Variants in WDR26 observed in about 807,000 individuals in gnomAD.
WDR26 encodes WD repeat domain 26.
A neutral mutation model predicts 84.1 loss-of-function variants in WDR26; 5 were observed. The ratio of observed to expected loss-of-function variants is 0.06; its 90% CI spans 0.03 to 0.13. WDR26 has a LOEUF of 0.13. WDR26 is among the 10% of genes least tolerant of loss of function. The pLI is 1.00. For missense variants in WDR26, 642 were observed against 974.9 expected (o/e 0.66, Z 4.55); for synonymous variants, 415 against 389.6 (o/e 1.07, Z -0.77).
Position 224,434,099 on chromosome 1 carries a change from C to T in WDR26, c.307G>A (p.Ala103Thr). 7.0e-7 allele frequency: 1 copy of T among 1,437,038 alleles called. No individual in the cohort carries two copies. Among genetic ancestry groups the T allele is most frequent in the Non-Finnish European group, 9.1e-7 (1 of 1,100,578 alleles). 89.0% of individuals were successfully genotyped at this position (1,437,038 alleles called of 1,614,324 possible). A position where few individuals can be genotyped will look rare whatever the true frequency, so the allele number is the denominator to read the frequency against. The change falls in exon 1 of 14, where the codon GCC (alanine) becomes ACC (threonine). Residue 103 changes from alanine (A) to threonine (T), a missense_variant. Physicochemically the swap from Ala to Thr is moderately conservative, Grantham distance 58. Around this residue, in one of 2 missense-constraint regions of WDR26, gnomAD observed 291 missense variants for 302.1 expected, o/e 0.96. Coordinates refer to ENST00000414423, the MANE Select transcript of WDR26 (RefSeq NM_001379403.1). ...CCTCCTCCTCCTCCTGCCCCATTGG[C>T]CTGCATGATGCTGCCGCTGACCAGG...
At chr1:224,417,460 T>TCACGC (rs1217151012) in intron 6 of WDR26, among the ~76,000 whole-genome samples, 1 of 152,222 alleles carries the variant, frequency 6.6e-6, no homozygotes, top group African/African-American at 2.4e-5. Context: ...ATCCCAGTGC[T>TCACGC]TTGGGAGGCC....
intron 4 of WDR26, among the ~76,000 whole-genome samples, chr1:224,420,534 C>T (rs1423819308): frequency 4.6e-5 from 7 of 152,250 alleles, no homozygotes; most frequent in African/African-American, 7.2e-5. Context: ...ACTTAGTCTA[C>T]GACCTGCTAT....
In WDR26 at chr1:224,388,065, T is replaced by G. The variant is rs994775432; in HGVS notation, c.*1770A>C. 6.6e-6 allele frequency: 1 copy of G among 152,624 alleles called. No individual in the cohort carries two copies. Among genetic ancestry groups the G allele is most frequent in the African/African-American group, 2.4e-5 (1 of 41,458 alleles). The allele number at this position is 152,624 out of a possible 1,614,324, so 9.5% of individuals were successfully genotyped here. A position where few individuals can be genotyped will look rare whatever the true frequency, so the allele number is the denominator to read the frequency against. ...GCTGACCACGATCTGTCATTTTCTTTACTATGGGCTTCTGGGAGAATGCAT... is the reference window on the plus strand; with the variant it reads ...GCTGACCACGATCTGTCATTTTCTTGACTATGGGCTTCTGGGAGAATGCAT... On this transcript the variant is annotated 3_prime_UTR_variant, in exon 14 of 14. Transcript: ENST00000414423.
chr1:224,412,002 AAAAC>A (rs1044403234), intron 6 of WDR26, among the ~76,000 whole-genome samples: 2 of 152,124 alleles, frequency 1.3e-5, no homozygotes, highest in Non-Finnish European at 2.9e-5. Context: ...ATCATTTCAA[AAAAC>A]AAACAAACCA....
chr1:224,433,628 C>CA, intron 1 of WDR26, 56 bp downstream of exon 1: 1 of 1,336,700 alleles, frequency 7.5e-7, no homozygotes, highest in Non-Finnish European at 9.7e-7. Flanking sequence ...CCCTACCCCC[C>CA]TGGAGCCTCC....
chr1:224,408,581 C>T (rs2102902242), intron 7 of WDR26, among the ~76,000 whole-genome samples: 2 of 151,666 alleles, frequency 1.3e-5, no homozygotes, highest in Middle Eastern at 3.4e-3. Context: ...ATGATTTGAT[C>T]CCAAACTCTT....
At position 224,398,912 on chromosome 1, in the gene WDR26, G is replaced by A. The variant is rs750751451; in HGVS notation, c.1842C>T (p.Phe614=). ...ACATGTTCCTATCTGTAAGGTCCTC[G>A]AAGTTATAGCCCCGAATTCGCTGGT... The change falls in exon 10 of 14, where the codon TTC becomes TTT. Residue 614 remains phenylalanine (F), a synonymous_variant. Coordinates refer to ENST00000414423, the MANE Select transcript of WDR26 (RefSeq NM_001379403.1). 6.2e-7 allele frequency: 1 copy of A among 1,613,822 alleles called. No individual in the cohort carries two copies. Among genetic ancestry groups the A allele is most frequent in the Non-Finnish European group, 8.5e-7 (1 of 1,179,894 alleles).
At chr1:224,399,694 C>A (rs1673356985) in intron 9 of WDR26, among the ~76,000 whole-genome samples, 1 of 152,218 alleles carries the variant, frequency 6.6e-6, no homozygotes, top group African/African-American at 2.4e-5. Context: ...AAGAACAATT[C>A]ATAACCATAT....
At chr1:224,432,762 T>C (rs1161077487) in intron 1 of WDR26, among the ~76,000 whole-genome samples, 2 of 152,218 alleles carry the variant, frequency 1.3e-5, no homozygotes, top group Non-Finnish European at 2.9e-5. Context: ...AACTGACTGC[T>C]GCTGCACGTC....
Position 224,433,869 on chromosome 1 carries a change from C to T in WDR26, c.537G>A (p.Gly179=), listed in dbSNP as rs947075122. 3 of 1,536,842 alleles carry T rather than the reference C, an allele frequency of 2.0e-6. No individual in the cohort carries two copies. Among genetic ancestry groups the T allele is most frequent in the African/African-American group, 2.7e-5 (2 of 73,042 alleles). ...ATGCGGCGGCCGCCCCGCCGGGAAC[C>T]CCGTTATTGACATTCAGGCTGTTGC... Residue 179 remains glycine (G), a synonymous_variant, in exon 1 of 14, where the codon GGG becomes GGA. Transcript: ENST00000414423.
intron 3 of WDR26, chr1:224,430,243 TTTTA>T (rs1236373518): frequency 3.3e-5 from 5 of 152,198 alleles, no homozygotes; most frequent in Non-Finnish European, 7.3e-5. Context: ...TAACTTCTGT[TTTTA>T]TTTTTCAATT....
At chr1:224,393,265 A>C (rs926929412) in intron 13 of WDR26, among the ~76,000 whole-genome samples, 2 of 152,210 alleles carry the variant, frequency 1.3e-5, no homozygotes, top group Non-Finnish European at 2.9e-5. Flanking sequence ...AGGACTATGA[A>C]GACTTTATGC....
intron 7 of WDR26, 33 bp from the exon 8 acceptor site, chr1:224,404,603 C>T: frequency 1.3e-6 from 2 of 1,583,432 alleles, no homozygotes; most frequent in Non-Finnish European, 1.7e-6. Flanking sequence ...CAGTTAACCC[C>T]TATCACTAAA....
rs531305359 is a variant in WDR26 at position 224,387,198 on chromosome 1, T to C, written c.*2637A>G. On this transcript the variant is annotated 3_prime_UTR_variant, in exon 14 of 14. Transcript: ENST00000414423. ...TAGTATCTTGTGGCTGGCTTCATAG[T>C]ATAAGACTCACTCTTAAGCCTACTA... 1 of 152,750 alleles carries C rather than the reference T, an allele frequency of 6.5e-6. No homozygotes were observed. The highest frequency in any genetic ancestry group is 2.1e-4 in the South Asian group (1 of 4,828). The allele number at this position is 152,750 out of a possible 1,614,324, so 9.5% of individuals were successfully genotyped here. A position where few individuals can be genotyped will look rare whatever the true frequency, so the allele number is the denominator to read the frequency against.
In WDR26 at chr1:224,434,372, C is replaced by A; in HGVS notation, c.34G>T (p.Ala12Ser). The A allele has an allele frequency of 1.7e-6, 2 of 1,156,414 alleles. No individual in the cohort carries two copies. The highest frequency in any genetic ancestry group is 4.7e-5 in the Admixed American group (1 of 21,064). The allele number at this position is 1,156,414 out of a possible 1,614,324, so 71.6% of individuals were successfully genotyped here. Residue 12 changes from alanine (A) to serine (S), a missense_variant, in exon 1 of 14, where the codon GCT becomes TCT. Ala to Ser is a moderately conservative substitution (Grantham distance 99). This residue lies in a region of WDR26 where 291 missense variants were observed against 302.1 expected (regional missense o/e 0.96). Transcript: ENST00000414423. ...GTGTCCGAGTCGGAGGAGGAGGAAG[C>A]GGAGGCCAGAGTTTCCTCGCCGAGA...
At chr1:224,392,970 T>C (rs1673167255) in intron 13 of WDR26, among the ~76,000 whole-genome samples, 1 of 152,186 alleles carries the variant, frequency 6.6e-6, no homozygotes, top group South Asian at 2.1e-4. Flanking sequence ...ACTGCTTCCT[T>C]CTAAGCAAAC....
intron 5 of WDR26, 36 bp from the exon 6 acceptor site, chr1:224,418,452 A>G (rs757585063): frequency 1.3e-6 from 2 of 1,546,878 alleles, no homozygotes; most frequent in Non-Finnish European, 1.7e-6. Context: ...GAGAAATAAT[A>G]ATAAACTGTA....
At chr1:224,413,364 A>G in intron 6 of WDR26, 1 of 1,169,736 alleles carries the variant, frequency 8.5e-7, no homozygotes, top group Non-Finnish European at 1.1e-6. Context: ...TTAAAAATAA[A>G]TTAACATTCT....
chr1:224,407,150 AAAT>A (rs1329148872), intron 7 of WDR26, among the ~76,000 whole-genome samples: 2 of 65,776 alleles, frequency 3.0e-5, no homozygotes, highest in Admixed American at 1.8e-4. Flanking sequence ...AAAAAAAAAA[AAAT>A]ATATATATAT....
Sources: gnomAD v4.1 joint callset for allele counts (sites outside exome capture counted in the v4.1 genomes callset) on GRCh38, gnomAD v4.1.1 for gene constraint, gnomAD v4.1.1 regional missense constraint, MANE v1.5 for transcripts, NCBI Gene and HGNC (gene_info 2026-07-23, HGNC 2026-07-21) for gene names.